The following SOX5 variants were observed in gnomAD, a reference collection of about 807,000 sequenced individuals.
SOX5 encodes SRY-box transcription factor 5, also known as transcription factor SOX-5.
In SOX5, 9 loss-of-function variants were observed where a neutral mutation model predicts 92.0. The observed-to-expected ratio is 0.10, with a 90% confidence interval of 0.06 to 0.17. SOX5 has a LOEUF of 0.17. Among genes scored for constraint, SOX5 ranks in the 10% least tolerant of loss-of-function variants. The pLI is 1.00. For synonymous variants in SOX5, 344 were observed against 336.3 expected, an observed-to-expected ratio of 1.02 and a Z score of -0.25; for missense variants, 642 against 944.5, an observed-to-expected ratio of 0.68 and a Z score of 4.20.
chr12:23,748,440 GA>G (rs1455911480), intron 4 of SOX5, among the ~76,000 whole-genome samples: 1 of 151,950 alleles, frequency 6.6e-6, no homozygotes, highest in Non-Finnish European at 1.5e-5. Flanking sequence ...AAAAATACAT[GA>G]AAATTGCTAT....
intron 5 of SOX5, among the ~76,000 whole-genome samples, chr12:23,740,468 G>A (rs1180004493): frequency 6.6e-6 from 1 of 152,070 alleles, no homozygotes. Context: ...CCTGCCCCCA[G>A]CTGGAAACTC....
intron 8 of SOX5, among the ~76,000 whole-genome samples, chr12:23,611,357 TGTGTGTGTGTGC>T (rs2075922409): frequency 1.5e-5 from 2 of 137,664 alleles, no homozygotes; most frequent in East Asian, 4.4e-4. Context: ...TTCCATCGTG[TGTGTGTGTGTGC>T]GTGTGTGTGT....
chr12:23,817,362 G>A (rs2096015094), intron 3 of SOX5, among the ~76,000 whole-genome samples: 1 of 152,160 alleles, frequency 6.6e-6, no homozygotes, highest in Admixed American at 6.5e-5. Context: ...GGTTAAAGAT[G>A]GATAGAGGAA....
intron 1 of SOX5, among the ~76,000 whole-genome samples, chr12:24,464,441 C>T (rs1039190643): frequency 4.6e-5 from 7 of 151,886 alleles, no homozygotes; most frequent in African/African-American, 1.7e-4. Flanking sequence ...CCCGGGTTCA[C>T]GCTATTCTCC....
chr12:24,283,036 G>A (rs1179854635), intron 2 of SOX5, among the ~76,000 whole-genome samples: 1 of 152,194 alleles, frequency 6.6e-6, no homozygotes, highest in Non-Finnish European at 1.5e-5. Context: ...TAACTTGTAT[G>A]TTAGTACAGA....
At chr12:24,116,936 C>T (rs1427632525) in intron 4 of SOX5, among the ~76,000 whole-genome samples, 1 of 148,098 alleles carries the variant, frequency 6.8e-6, no homozygotes, top group Non-Finnish European at 1.5e-5. Context: ...ATATTGGGCC[C>T]TATATTTCTA....
intron 4 of SOX5, among the ~76,000 whole-genome samples, chr12:24,138,773 A>T (rs904759767): frequency 2.6e-5 from 4 of 152,228 alleles, no homozygotes; most frequent in African/African-American, 9.6e-5. Context: ...TCAGAGACAT[A>T]AAAATTTCTC....
At chr12:23,810,078 A>G (rs2095850838) in intron 3 of SOX5, among the ~76,000 whole-genome samples, 1 of 152,158 alleles carries the variant, frequency 6.6e-6, no homozygotes, top group Non-Finnish European at 1.5e-5. Flanking sequence ...CATCTACTAG[A>G]AGTAACTATT....
chr12:24,074,541 C>T (rs1008163740), intron 4 of SOX5, among the ~76,000 whole-genome samples: 1 of 147,632 alleles, frequency 6.8e-6, no homozygotes, highest in Non-Finnish European at 1.5e-5. Context: ...AATGTTTATA[C>T]CCAAACAGTA....
chr12:24,045,859 C>T (rs17405551), intron 4 of SOX5, among the ~76,000 whole-genome samples: 22,199 of 151,924 alleles, frequency 0.15, 1,938 homozygotes, highest in Non-Finnish European at 0.2. Context: ...GGCCAGGGAG[C>T]TGCATGGTTC....
intron 3 of SOX5, among the ~76,000 whole-genome samples, chr12:23,842,640 A>T (rs1320134547): frequency 1.3e-5 from 2 of 152,180 alleles, no homozygotes; most frequent in Non-Finnish European, 2.9e-5. Flanking sequence ...TATCTTACAG[A>T]GTCAGAAAGA....
intron 2 of SOX5, among the ~76,000 whole-genome samples, chr12:24,319,193 T>C (rs1301523122): frequency 6.6e-6 from 1 of 152,210 alleles, no homozygotes; most frequent in African/African-American, 2.4e-5. Context: ...TTTCTATTGA[T>C]TTAGCTCATC....
chr12:23,682,511 G>T (rs182793652), intron 6 of SOX5, among the ~76,000 whole-genome samples: 83 of 151,870 alleles, frequency 5.5e-4, no homozygotes, highest in African/African-American at 1.8e-3. Context: ...TAATGTGTGG[G>T]TGGTTGGCAG....
At chr12:23,575,531 G>T (rs1948981607) in intron 10 of SOX5, 130 bp downstream of exon 10, 3 of 764,396 alleles carry the variant, frequency 3.9e-6, no homozygotes, top group African/African-American at 1.8e-5. Context: ...GACCTAGGTG[G>T]TTCCTCAAAT....
intron 1 of SOX5, among the ~76,000 whole-genome samples, chr12:24,452,433 G>A (rs1942443963): frequency 6.6e-6 from 1 of 152,148 alleles, no homozygotes. Flanking sequence ...TGTCCCTTGG[G>A]ACTGGCCACT....
intron 1 of SOX5, among the ~76,000 whole-genome samples, chr12:23,905,178 T>C (rs1021838857): frequency 3.9e-5 from 6 of 152,166 alleles, no homozygotes; most frequent in Admixed American, 3.9e-4. Context: ...AAAATGTCCA[T>C]TTTTGTTTTG....
chr12:23,706,498 T>G (rs767415954), intron 6 of SOX5, among the ~76,000 whole-genome samples: 1 of 152,000 alleles, frequency 6.6e-6, no homozygotes, highest in African/African-American at 2.4e-5. Flanking sequence ...CTAGCTGTAA[T>G]TAAAAGTTGG....
intron 4 of SOX5, among the ~76,000 whole-genome samples, chr12:24,005,486 A>C (rs1309159203): frequency 6.6e-6 from 1 of 152,132 alleles, no homozygotes; most frequent in Non-Finnish European, 1.5e-5. Context: ...TGCATCTACA[A>C]TTCTCTCTGT....
At chr12:23,539,798 A>G (rs1170364451) in intron 13 of SOX5, among the ~76,000 whole-genome samples, 1 of 152,186 alleles carries the variant, frequency 6.6e-6, no homozygotes, top group African/African-American at 2.4e-5. Flanking sequence ...ATATGGCCAT[A>G]TAATAATTCC....
Sources: gnomAD v4.1 joint callset for allele counts (sites outside exome capture counted in the v4.1 genomes callset) on GRCh38, gnomAD v4.1.1 for gene constraint, MANE v1.5 for transcripts, NCBI Gene and HGNC (gene_info 2026-07-23, HGNC 2026-07-21) for gene names.